NMNAT3: variants seen among roughly 807,000 people sequenced by gnomAD.
NMNAT3 encodes nicotinamide nucleotide adenylyltransferase 3.
NMNAT3 carries 21 observed loss-of-function variants against 24.8 expected under a neutral mutation model. The observed-to-expected ratio is 0.85, with a 90% CI of 0.60 to 1.22. NMNAT3 has a LOEUF of 1.22. NMNAT3 is among the 50% of genes most tolerant of loss of function. The probability of loss-of-function intolerance (pLI) is 0.00; values close to 1 mark genes in which losing one functional copy is unlikely to be tolerated. For synonymous variants in NMNAT3, 136 were observed against 155.2 expected (o/e 0.88, Z 0.92); for missense variants, 387 against 436.6 (o/e 0.89, Z 1.01).
intron 1 of NMNAT3, among the ~76,000 whole-genome samples, chr3:139,676,367 C>T (rs993806266): frequency 3.9e-5 from 6 of 152,330 alleles, no homozygotes; most frequent in African/African-American, 7.2e-5. Flanking sequence ...AGGTCTGACA[C>T]GTCCTTAGCA....
chr3:139,587,328 T>G (rs1576582429), intron 3 of NMNAT3, among the ~76,000 whole-genome samples: 1 of 152,154 alleles, frequency 6.6e-6, no homozygotes, highest in Non-Finnish European at 1.5e-5. Flanking sequence ...CCAGGGACTA[T>G]GGCATTGACA....
At chr3:139,649,832 A>G (rs1250942747) in intron 1 of NMNAT3, among the ~76,000 whole-genome samples, 1 of 152,196 alleles carries the variant, frequency 6.6e-6, no homozygotes, top group African/African-American at 2.4e-5. Flanking sequence ...AATTTGAAAC[A>G]CTGTTTTGGA....
intron 3 of NMNAT3, among the ~76,000 whole-genome samples, chr3:139,588,985 A>T (rs998188993): frequency 6.6e-6 from 1 of 152,120 alleles, no homozygotes; most frequent in Non-Finnish European, 1.5e-5. Context: ...TCACATCCAG[A>T]GCTTCTAGCC....
chr3:139,601,970 C>A (rs1469755610), intron 3 of NMNAT3, among the ~76,000 whole-genome samples: 1 of 152,192 alleles, frequency 6.6e-6, no homozygotes, highest in African/African-American at 2.4e-5. Flanking sequence ...TTCATAACAA[C>A]TGAAGCTCGA....
chr3:139,642,970 C>T (rs895684268), intron 1 of NMNAT3, among the ~76,000 whole-genome samples: 2 of 152,124 alleles, frequency 1.3e-5, no homozygotes, highest in African/African-American at 4.8e-5. Flanking sequence ...ATTTTGCCCC[C>T]CAACACTCAG....
chr3:139,614,254 A>T (rs189857930), intron 3 of NMNAT3, among the ~76,000 whole-genome samples: 10 of 152,244 alleles, frequency 6.6e-5, no homozygotes, highest in African/African-American at 1.9e-4. Context: ...AAAAAAAAAA[A>T]ACTTTCAATG....
intron 3 of NMNAT3, among the ~76,000 whole-genome samples, chr3:139,609,489 G>A (rs2055098360): frequency 6.6e-6 from 1 of 152,158 alleles, no homozygotes; most frequent in African/African-American, 2.4e-5. Context: ...AATTGTTAAT[G>A]TTGTTAAATA....
intron 2 of NMNAT3, among the ~76,000 whole-genome samples, chr3:139,631,646 G>A (rs1036801366): frequency 1.3e-5 from 2 of 150,004 alleles, no homozygotes; most frequent in Non-Finnish European, 3.0e-5. Flanking sequence ...TTTGGCTCCC[G>A]CCCCCTCCCC....
chr3:139,645,219 A>G (rs1256243376), intron 1 of NMNAT3, among the ~76,000 whole-genome samples: 1 of 152,114 alleles, frequency 6.6e-6, no homozygotes, highest in African/African-American at 2.4e-5. Flanking sequence ...AAAAAAAGAA[A>G]AATACAGCTA....
chr3:139,626,438 C>A (rs924327681), intron 3 of NMNAT3, among the ~76,000 whole-genome samples: 4 of 151,894 alleles, frequency 2.6e-5, no homozygotes, highest in African/African-American at 9.7e-5. Context: ...GTATTTAATT[C>A]TAGATGTTTG....
intron 1 of NMNAT3, among the ~76,000 whole-genome samples, chr3:139,668,912 T>C (rs1014516995): frequency 2.0e-5 from 3 of 152,366 alleles, no homozygotes; most frequent in East Asian, 3.9e-4. Context: ...AATGACTTTA[T>C]TGATCTAAAA....
intron 3 of NMNAT3, among the ~76,000 whole-genome samples, chr3:139,585,672 GT>G (rs1459842490): frequency 2.0e-5 from 3 of 152,170 alleles, no homozygotes; most frequent in Non-Finnish European, 2.9e-5. Context: ...CCTGGCTTGA[GT>G]TTTTTTGGCT....
chr3:139,587,218 TCTC>T (rs1325500430), intron 3 of NMNAT3, among the ~76,000 whole-genome samples: 1 of 152,152 alleles, frequency 6.6e-6, no homozygotes, highest in Non-Finnish European at 1.5e-5. Flanking sequence ...CAATTCTAAG[TCTC>T]CTTGAGAGGA....
intron 3 of NMNAT3, among the ~76,000 whole-genome samples, chr3:139,613,757 T>C (rs2055343215): frequency 6.6e-6 from 1 of 152,054 alleles, no homozygotes; most frequent in South Asian, 2.1e-4. Flanking sequence ...AATGATAGAC[T>C]AGATTAAGAA....
intron 6 of NMNAT3, among the ~76,000 whole-genome samples, chr3:139,563,220 C>T (rs1423398179): frequency 3.3e-5 from 5 of 152,222 alleles, no homozygotes; most frequent in African/African-American, 1.2e-4. Flanking sequence ...GCTCACAACA[C>T]ATATGTATAT....
chr3:139,670,061 C>T (rs1229882422), intron 1 of NMNAT3, among the ~76,000 whole-genome samples: 1 of 152,162 alleles, frequency 6.6e-6, no homozygotes, highest in African/African-American at 2.4e-5. Context: ...GTTTTCCATC[C>T]ATGATTTTTT....
chr3:139,663,137 AT>A (rs1238476680), intron 1 of NMNAT3, among the ~76,000 whole-genome samples: 1 of 152,206 alleles, frequency 6.6e-6, no homozygotes, highest in Non-Finnish European at 1.5e-5. Flanking sequence ...GGGAGAATCT[AT>A]TCTTGTCTTT....
At chr3:139,668,539 C>T (rs1444523723) in intron 1 of NMNAT3, among the ~76,000 whole-genome samples, 1 of 152,208 alleles carries the variant, frequency 6.6e-6, no homozygotes, top group Non-Finnish European at 1.5e-5. Flanking sequence ...CTACCATCTG[C>T]ATAACAGAGA....
chr3:139,607,957 A>G (rs368201522), intron 3 of NMNAT3, among the ~76,000 whole-genome samples: 2 of 152,236 alleles, frequency 1.3e-5, no homozygotes, highest in East Asian at 3.8e-4. Context: ...ATTTATACAG[A>G]CACATCTATT....
Sources: allele counts gnomAD v4.1 joint callset (sites outside exome capture counted in the v4.1 genomes callset), GRCh38; gene constraint gnomAD v4.1.1; transcripts MANE v1.5; gene names NCBI Gene and HGNC (gene_info 2026-07-23, HGNC 2026-07-21).